SFXN5: variants seen among roughly 807,000 people sequenced by gnomAD.
The protein encoded by SFXN5 is sideroflexin 5, also known as sideroflexin-5.
Under a neutral mutation model 50.2 loss-of-function variants are expected in SFXN5, and 43 were observed. That is an observed-to-expected ratio of 0.86 (90% confidence interval 0.67 to 1.11). The LOEUF (loss-of-function observed/expected upper bound fraction) is 1.11, where lower values mean the gene tolerates loss of function less well. Among genes scored for constraint, SFXN5 ranks in the 50% least tolerant of loss-of-function variants. SFXN5 has a pLI of 0.00. For synonymous variants in SFXN5, 203 were observed against 185.8 expected (o/e 1.09, Z -0.75); for missense variants, 463 against 454.1 (o/e 1.02, Z -0.18).
chr2:72,991,679 C>G (rs1672621106), intron 9 of SFXN5, among the ~76,000 whole-genome samples: 1 of 152,214 alleles, frequency 6.6e-6, no homozygotes, highest in Non-Finnish European at 1.5e-5. Context: ...TCCTCAGGGC[C>G]CTTTGGCCTT....
Position 73,023,210 on chromosome 2 carries a change from C to CAGAGCTGGA in SFXN5, c.250-5_253dup (p.Leu84_Trp85insPheGlnLeu), listed in dbSNP as rs1677123344. On this transcript the variant is annotated inframe_insertion, in exon 4 of 14. Transcript: ENST00000272433. ...TACCTGCTTGATTTTCTGTGCACTC[C>CAGAGCTGGA]AGAGCTGGAAGAGAGATAAAGGAAA... 6.2e-7 allele frequency: 1 copy of CAGAGCTGGA among 1,602,700 alleles called. No homozygotes were observed. The highest frequency in any genetic ancestry group is 1.3e-5 in the African/African-American group (1 of 74,456).
In SFXN5 at chr2:73,012,649, A is replaced by AACACACAC. The variant is rs57635824; in HGVS notation, c.357+7582_357+7589dup. On this transcript the variant is annotated intron_variant, in intron 6 of 13. Transcript: ENST00000272433. ...GTTCTAAAGGGTATTCTAGCCAAACAACACACACACACACACACACACACA... is the reference window on the plus strand; with the variant it reads ...GTTCTAAAGGGTATTCTAGCCAAACAACACACACACACACACACACACACACACACACA... Among the ~76,000 whole-genome samples the AACACACAC allele has an allele frequency of 3.5e-3, 436 of 125,904 alleles. 1 individual carries two copies. The highest frequency in any genetic ancestry group is 8.4e-3 in the African/African-American group (284 of 33,928). 82.6% of individuals were successfully genotyped at this position (125,904 alleles called of 152,430 possible). A position where few individuals can be genotyped will look rare whatever the true frequency, so the allele number is the denominator to read the frequency against.
intron 3 of SFXN5, among the ~76,000 whole-genome samples, chr2:73,040,329 T>C (rs1435322628): frequency 6.6e-6 from 1 of 152,114 alleles, no homozygotes; most frequent in African/African-American, 2.4e-5. Context: ...GTATCTCTAA[T>C]TTGAGTTCCT....
In SFXN5 at chr2:72,944,690, C is replaced by A. The variant is rs556276744; in HGVS notation, c.*332G>T. 3 of 234,606 alleles carry A rather than the reference C, an allele frequency of 1.3e-5. No homozygotes were observed. The highest frequency in any genetic ancestry group is 2.9e-4 in the South Asian group (2 of 7,004). The allele number at this position is 234,606 out of a possible 1,614,324, so 14.5% of individuals were successfully genotyped here. On this transcript the variant is annotated 3_prime_UTR_variant, in exon 14 of 14. Transcript: ENST00000272433. ...TAAAAAATAAAAATAAAAAAGGAAC[C>A]AAAGTATAAAAGGATTCTACTTCTA...
intron 1 of SFXN5, among the ~76,000 whole-genome samples, chr2:73,064,502 A>G (rs1683038203): frequency 6.6e-6 from 1 of 152,268 alleles, no homozygotes; most frequent in South Asian, 2.1e-4. Context: ...TGTCTCGCCT[A>G]TAGGAAGTAA....
chr2:73,050,420 A>ACC (rs1553523890), intron 2 of SFXN5, among the ~76,000 whole-genome samples: 1 of 140,676 alleles, frequency 7.1e-6, no homozygotes, highest in African/African-American at 2.5e-5. Context: ...ACACACACAC[A>ACC]CCCCTGCAGA....
At chr2:73,000,516 G>A (rs1673774477) in intron 7 of SFXN5, 29 bp from the exon 8 acceptor site, 3 of 1,552,876 alleles carry the variant, frequency 1.9e-6, no homozygotes, top group African/African-American at 1.4e-5. Flanking sequence ...AGAAGTCAGG[G>A]AAGGAGTGGT....
At chr2:72,970,763 C>G (rs1276196607) in intron 11 of SFXN5, among the ~76,000 whole-genome samples, 1 of 152,010 alleles carries the variant, frequency 6.6e-6, no homozygotes, top group Non-Finnish European at 1.5e-5. Flanking sequence ...TCTCGGCTCA[C>G]TGCAACTTCT....
chr2:73,058,242 G>C, intron 2 of SFXN5: 1 of 278,612 alleles, frequency 3.6e-6, no homozygotes, highest in Non-Finnish European at 6.8e-6. Flanking sequence ...ATAATTTCTT[G>C]AAAGTTTTAA....
chr2:72,996,029 T>TAAATGGGGAGAA (rs1474120667), intron 9 of SFXN5, among the ~76,000 whole-genome samples: 4 of 152,164 alleles, frequency 2.6e-5, no homozygotes, highest in Non-Finnish European at 2.9e-5. Context: ...GGCAGTGCCC[T>TAAATGGGGAGAA]GTGCTCCTCT....
intron 13 of SFXN5, among the ~76,000 whole-genome samples, chr2:72,955,254 T>C (rs1672953223): frequency 6.8e-6 from 1 of 146,872 alleles, no homozygotes; most frequent in African/African-American, 2.8e-5. Context: ...ATTAGTTCCC[T>C]GTCACCACGG....
intron 2 of SFXN5, among the ~76,000 whole-genome samples, chr2:73,056,602 T>C (rs557266929): frequency 1.3e-5 from 2 of 151,896 alleles, no homozygotes; most frequent in South Asian, 4.2e-4. Flanking sequence ...GGAGAATCGC[T>C]TGAACCTGGG....
intron 10 of SFXN5, among the ~76,000 whole-genome samples, chr2:72,974,557 G>T (rs1034198544): frequency 6.6e-6 from 1 of 152,116 alleles, no homozygotes; most frequent in African/African-American, 2.4e-5. Context: ...CCTTGAAACC[G>T]GCAATTCTTA....
At chr2:73,004,648 T>A (rs1260543255) in intron 6 of SFXN5, among the ~76,000 whole-genome samples, 1 of 150,914 alleles carries the variant, frequency 6.6e-6, no homozygotes, top group African/African-American at 2.4e-5. Flanking sequence ...AGAGGGAGTG[T>A]GGAGAGGGTG....
chr2:73,024,115 C>T (rs1247067948), intron 3 of SFXN5, among the ~76,000 whole-genome samples: 1 of 151,902 alleles, frequency 6.6e-6, no homozygotes, highest in Admixed American at 6.6e-5. Context: ...CCTCTGTCTC[C>T]CGGGTTCAAG....
chr2:72,988,397 T>G, intron 9 of SFXN5, 49 bp from the exon 10 acceptor site: 764 of 1,405,722 alleles, frequency 5.4e-4, no homozygotes, highest in Non-Finnish European at 6.8e-4. Context: ...GATGCTGCAG[T>G]GGCTTGTGGG....
intron 2 of SFXN5, among the ~76,000 whole-genome samples, chr2:73,050,369 G>T (rs1025514793): frequency 1.7e-5 from 2 of 114,710 alleles, no homozygotes; most frequent in African/African-American, 8.0e-5. Flanking sequence ...CTTGGTGGAG[G>T]TAGCGCCGCA....
At chr2:73,050,420 A>ACACACACACACACACACACACACT (rs1553523879) in intron 2 of SFXN5, among the ~76,000 whole-genome samples, 1 of 140,676 alleles carries the variant, frequency 7.1e-6, no homozygotes, top group African/African-American at 2.5e-5. Flanking sequence ...ACACACACAC[A>ACACACACACACACACACACACACT]CCCCTGCAGA....
chr2:73,011,715 G>A (rs1675521511), intron 6 of SFXN5, among the ~76,000 whole-genome samples: 1 of 152,074 alleles, frequency 6.6e-6, no homozygotes, highest in Non-Finnish European at 1.5e-5. Context: ...AGTATAATGA[G>A]AATCTACCCC....
Sources: gnomAD v4.1 joint callset for allele counts (sites outside exome capture counted in the v4.1 genomes callset) on GRCh38, gnomAD v4.1.1 for gene constraint, MANE v1.5 for transcripts, NCBI Gene and HGNC (gene_info 2026-07-23, HGNC 2026-07-21) for gene names.